Variants in RBFOX2 observed in about 807,000 individuals in gnomAD.
RBFOX2 encodes the protein RNA binding fox-1 homolog 2.
Under a neutral mutation model 49.1 loss-of-function variants are expected in RBFOX2, and 10 were observed. That is an observed-to-expected ratio of 0.20 (90% CI 0.13 to 0.35). RBFOX2 has a LOEUF of 0.35. Ranked by LOEUF, RBFOX2 falls within the 10% of genes least tolerant of loss-of-function variation. RBFOX2 has a pLI of 1.00. For synonymous variants in RBFOX2, 183 were observed against 187.4 expected, an observed-to-expected ratio of 0.98 and a Z score of 0.19; for missense variants, 323 against 486.9, an observed-to-expected ratio of 0.66 and a Z score of 3.17.
At chr22:35,829,296 C>T (rs377571067) in intron 1 of RBFOX2, among the ~76,000 whole-genome samples, 143 of 152,016 alleles carry the variant, frequency 9.4e-4, no homozygotes, top group African/African-American at 3.3e-3. Context: ...ACAACTCACC[C>T]AGAACTAATA....
intron 1 of RBFOX2, among the ~76,000 whole-genome samples, chr22:35,839,878 T>C (rs1162520631): frequency 3.4e-4 from 51 of 152,112 alleles, no homozygotes; most frequent in Non-Finnish European, 8.8e-5. Context: ...GCAGTCTTTC[T>C]CTCCCTCCCT....
At chr22:35,962,564 T>C (rs1230239346), upstream of RBFOX2, among the ~76,000 whole-genome samples, 3 of 152,152 alleles carry the variant, frequency 2.0e-5, no homozygotes, top group African/African-American at 7.2e-5. Context: ...TTTAGAAAAT[T>C]ATCCTTTCAT....
chr22:35,844,177 C>T (rs1016177295), upstream of RBFOX2, among the ~76,000 whole-genome samples: 6 of 152,158 alleles, frequency 3.9e-5, no homozygotes, highest in African/African-American at 1.4e-4. Flanking sequence ...TGTGAGCATA[C>T]TTTACCTTAG....
rs145125084 is a variant in RBFOX2, at chr22:36,013,218, A to G, written c.186+15022T>C. Among the ~76,000 whole-genome samples the G allele has an allele frequency of 1.0e-3, 152 of 152,150 alleles. 1 individual carries two copies. Among genetic ancestry groups the G allele is most frequent in the African/African-American group, 3.4e-3 (141 of 41,504 alleles). On this transcript the variant is annotated intron_variant, in intron 1 of 13. Coordinates refer to the RBFOX2 transcript ENST00000438146. ...AGCCCAGGAGTTCAAGGTTGCAGTG[A>G]GCTATGATTTCGCCACTGCACTCCA... is the stretch of plus-strand genomic sequence containing the variant.
At chr22:36,010,781 G>A (rs1473919439) in intron 1 of RBFOX2, among the ~76,000 whole-genome samples, 1 of 148,644 alleles carries the variant, frequency 6.7e-6, no homozygotes, top group African/African-American at 2.5e-5. Context: ...ACACACACGT[G>A]TGTTTATATT....
intron 2 of RBFOX2, 124 bp downstream of exon 3, chr22:35,809,656 G>T: frequency 9.7e-7 from 1 of 1,032,390 alleles, no homozygotes; most frequent in Non-Finnish European, 1.5e-6. Context: ...TTGAGAGAAG[G>T]TGTAAATGAG....
chr22:35,866,207 G>A (rs1380730982), intron 1 of RBFOX2, among the ~76,000 whole-genome samples: 2 of 152,114 alleles, frequency 1.3e-5, no homozygotes, highest in Non-Finnish European at 2.9e-5. Flanking sequence ...CAACGTGAAG[G>A]TTTATTCAAA....
chr22:35,961,656 A>G, exon 1 of RBFOX2: 1 of 1,303,946 alleles, frequency 7.7e-7, no homozygotes, highest in Non-Finnish European at 1.0e-6. Context: ...CCCCTTGCAC[A>G]CAGCTACCAT....
intron 1 of RBFOX2, among the ~76,000 whole-genome samples, chr22:35,821,269 T>C (rs1954400620): frequency 6.6e-6 from 1 of 152,114 alleles, no homozygotes; most frequent in Non-Finnish European, 1.5e-5. Context: ...ATGCACATGA[T>C]AGCAAATCAA....
chr22:35,817,540 C>T (rs1055787218), intron 1 of RBFOX2, among the ~76,000 whole-genome samples: 2 of 151,890 alleles, frequency 1.3e-5, no homozygotes, highest in South Asian at 2.1e-4. Context: ...GAGAGGAAGG[C>T]AACAGTGGCT....
chr22:35,835,723 G>A (rs974007170), intron 1 of RBFOX2, among the ~76,000 whole-genome samples: 12 of 152,154 alleles, frequency 7.9e-5, no homozygotes, highest in African/African-American at 2.7e-4. Flanking sequence ...ATTAGGGGGT[G>A]ACTAAGACGG....
chr22:35,921,823 C>A (rs2051057994), intron 1 of RBFOX2, among the ~76,000 whole-genome samples: 1 of 152,206 alleles, frequency 6.6e-6, no homozygotes, highest in Non-Finnish European at 1.5e-5. Flanking sequence ...AAGTTCTGTG[C>A]CTGTCTGGTA....
chr22:35,986,091 G>A (rs1569518963), intron 1 of RBFOX2, among the ~76,000 whole-genome samples: 2 of 152,134 alleles, frequency 1.3e-5, no homozygotes, highest in Non-Finnish European at 2.9e-5. Context: ...TATATTTTTA[G>A]TAATCTTGGG....
intron 1 of RBFOX2, among the ~76,000 whole-genome samples, chr22:35,928,221 T>C (rs1351359333): frequency 6.6e-6 from 1 of 152,092 alleles, no homozygotes; most frequent in Non-Finnish European, 1.5e-5. Context: ...AAGGAGGGTG[T>C]GTGCATATGT....
intron 1 of RBFOX2, among the ~76,000 whole-genome samples, chr22:35,920,468 T>C (rs2050902452): frequency 1.3e-5 from 2 of 152,214 alleles, no homozygotes; most frequent in African/African-American, 4.8e-5. Flanking sequence ...GCTTTTTTAC[T>C]TCAATTTGTT....
rs575467866 is a variant in RBFOX2, at chr22:35,749,149, G to C, written c.888-2588C>G. ...GAGATGGAGAGAATCTATCTGTAGC[G>C]GTTTCCTTCTTTGATAAGTCAAGTC... On this transcript the variant is annotated intron_variant, in intron 9 of 11. Transcript: ENST00000405409. This position sits in a 1 kb window ranked among gnomAD's most constrained non-coding sequence, Gnocchi z 4.1. 1.1e-4 allele frequency among the ~76,000 whole-genome samples: 17 copies of C among 152,122 alleles called. No individual in the cohort carries two copies. Among genetic ancestry groups the C allele is most frequent in the Non-Finnish European group, 2.1e-4 (14 of 68,012 alleles).
At chr22:35,768,542 C>A (rs561905978) in intron 4 of RBFOX2, among the ~76,000 whole-genome samples, 193 bp from the exon 6 acceptor site, 2 of 152,174 alleles carry the variant, frequency 1.3e-5, no homozygotes, top group African/African-American at 4.8e-5. Flanking sequence ...GAATAAAGAA[C>A]TGTAATAATA....
chr22:35,871,864 T>C (rs2044394549), intron 1 of RBFOX2, among the ~76,000 whole-genome samples: 1 of 152,176 alleles, frequency 6.6e-6, no homozygotes, highest in African/African-American at 2.4e-5. Context: ...GGTATCGAAT[T>C]ATTTGAAAAA....
chr22:36,027,026 A>G (rs1171982773), intron 1 of RBFOX2, among the ~76,000 whole-genome samples: 1 of 152,170 alleles, frequency 6.6e-6, no homozygotes, highest in Non-Finnish European at 1.5e-5. Flanking sequence ...TTCTAGTTTT[A>G]CTATTAGCTA....
Sources: allele counts gnomAD v4.1 joint callset (sites outside exome capture counted in the v4.1 genomes callset), GRCh38; gene constraint gnomAD v4.1.1; non-coding constraint Gnocchi (gnomAD v3.1); transcripts MANE v1.5; gene names NCBI Gene and HGNC (gene_info 2026-07-23, HGNC 2026-07-21).